The following GRIN2B variants were observed in gnomAD, a reference collection of about 807,000 sequenced individuals.
The protein encoded by GRIN2B is glutamate ionotropic receptor NMDA type subunit 2B, also known as glutamate receptor ionotropic, NMDA 2B.
Under a neutral mutation model 114.5 loss-of-function variants are expected in GRIN2B, and 5 were observed. The ratio of observed to expected loss-of-function variants is 0.04; its 90% CI spans 0.02 to 0.09. The LOEUF (loss-of-function observed/expected upper bound fraction) is 0.09, where lower values mean the gene tolerates loss of function less well. Ranked by LOEUF, GRIN2B falls within the 10% of genes least tolerant of loss-of-function variation. GRIN2B has a pLI of 1.00. For synonymous variants in GRIN2B, 787 were observed against 745.1 expected, an observed-to-expected ratio of 1.06 and a Z score of -0.92; for missense variants, 1,108 against 1,943.5, an observed-to-expected ratio of 0.57 and a Z score of 8.08.
At chr12:13,784,149 G>A (rs1257504378) in intron 3 of GRIN2B, among the ~76,000 whole-genome samples, 1 of 144,974 alleles carries the variant, frequency 6.9e-6, no homozygotes, top group Admixed American at 7.3e-5. Flanking sequence ...GCGTGAACCT[G>A]GGAGGCGGAG....
chr12:13,941,854 G>T (rs1867260811), intron 2 of GRIN2B, among the ~76,000 whole-genome samples: 1 of 152,198 alleles, frequency 6.6e-6, no homozygotes, highest in African/African-American at 2.4e-5. Flanking sequence ...TGAAAATGAG[G>T]CCCAACTGTG....
At chr12:13,828,477 T>C (rs576910094) in intron 3 of GRIN2B, among the ~76,000 whole-genome samples, 2 of 152,258 alleles carry the variant, frequency 1.3e-5, no homozygotes, top group South Asian at 4.1e-4. Flanking sequence ...CCAGCGCATA[T>C]TACCGGAGCT....
chr12:13,723,527 C>A (rs1265769281), intron 4 of GRIN2B, among the ~76,000 whole-genome samples: 1 of 150,188 alleles, frequency 6.7e-6, no homozygotes, highest in Non-Finnish European at 1.5e-5. Context: ...CATTCTCTGC[C>A]ATCAAAGGAA....
chr12:13,555,900 C>A lies in GRIN2B; in HGVS notation c.*6883G>T, dbSNP rs931062886. 1 of 152,186 alleles carries A rather than the reference C, an allele frequency of 6.6e-6. No individual in the cohort carries two copies. Among genetic ancestry groups the A allele is most frequent in the Non-Finnish European group, 1.5e-5 (1 of 68,042 alleles). The allele number at this position is 152,186 out of a possible 1,614,324, so 9.4% of individuals were successfully genotyped here. ...GCTCTTCACGTAGGTTTAAGACTTGCTCTTCTTGGGGATGCAATGAATGAC... is the reference window on the plus strand; with the variant it reads ...GCTCTTCACGTAGGTTTAAGACTTGATCTTCTTGGGGATGCAATGAATGAC... On this transcript the variant is annotated 3_prime_UTR_variant, in exon 14 of 14. Transcript: ENST00000609686.
intron 3 of GRIN2B, among the ~76,000 whole-genome samples, chr12:13,767,520 T>C (rs1863820359): frequency 6.6e-6 from 1 of 152,220 alleles, no homozygotes; most frequent in Non-Finnish European, 1.5e-5. Flanking sequence ...ATGGCGCCCA[T>C]GTGTATTAAC....
intron 2 of GRIN2B, among the ~76,000 whole-genome samples, chr12:13,940,725 A>G (rs1001008931): frequency 1.3e-4 from 20 of 148,880 alleles, no homozygotes; most frequent in African/African-American, 4.7e-4. Flanking sequence ...GCTGGTAGAA[A>G]AAAAGGGAGC....
At chr12:13,607,343 A>ATATATAAAATATATAATATATATT (rs1565473649) in intron 10 of GRIN2B, among the ~76,000 whole-genome samples, 1 of 42,668 alleles carries the variant, frequency 2.3e-5, no homozygotes, top group Non-Finnish European at 4.0e-5. Context: ...TATTATATAT[A>ATATATAAAATATATAATATATATT]ATATATAAAA....
At chr12:13,728,917 C>T (rs756814412) in intron 4 of GRIN2B, among the ~76,000 whole-genome samples, 2 of 152,190 alleles carry the variant, frequency 1.3e-5, no homozygotes, top group Non-Finnish European at 2.9e-5. Flanking sequence ...CTAATATTCA[C>T]TTATTTTCTG....
At chr12:13,734,456 A>G (rs1362531988) in intron 4 of GRIN2B, among the ~76,000 whole-genome samples, 1 of 152,238 alleles carries the variant, frequency 6.6e-6, no homozygotes, top group Non-Finnish European at 1.5e-5. Flanking sequence ...CACATAGCAA[A>G]TGCTGAAAAC....
intron 2 of GRIN2B, among the ~76,000 whole-genome samples, chr12:13,871,448 C>A (rs538931075): frequency 6.6e-6 from 1 of 150,662 alleles, no homozygotes; most frequent in African/African-American, 2.4e-5. Context: ...AACTAAAATT[C>A]CTTTGAACAG....
At position 13,552,499 on chromosome 12, in the gene GRIN2B, G is replaced by A. The variant is rs1420780417; in HGVS notation, c.*10284C>T. 6.6e-6 allele frequency: 1 copy of A among 151,950 alleles called. No homozygotes were observed. Among genetic ancestry groups the A allele is most frequent in the Non-Finnish European group, 1.5e-5 (1 of 67,978 alleles). 9.4% of individuals were successfully genotyped at this position (151,950 alleles called of 1,614,324 possible). A position where few individuals can be genotyped will look rare whatever the true frequency, so the allele number is the denominator to read the frequency against. On this transcript the variant is annotated 3_prime_UTR_variant, in exon 14 of 14. Coordinates refer to ENST00000609686, the MANE Select transcript of GRIN2B (RefSeq NM_000834.5). ...TCATATCCTCCCTTTCCTTTTATGG[G>A]TATTTGTAGGCAAAATAATTGACAT...
intron 3 of GRIN2B, among the ~76,000 whole-genome samples, chr12:13,763,788 A>G (rs188272151): frequency 6.6e-6 from 1 of 152,282 alleles, no homozygotes; most frequent in East Asian, 1.9e-4. Flanking sequence ...CCCTCCCTAG[A>G]CCTTGGCCTG....
At chr12:13,569,473 T>G (rs143028004) in intron 12 of GRIN2B, among the ~76,000 whole-genome samples, 23 of 152,238 alleles carry the variant, frequency 1.5e-4, no homozygotes, top group African/African-American at 5.3e-4. Flanking sequence ...GGGGTATGCT[T>G]CTACAAGATA....
chr12:13,933,929 A>T (rs1465660863), intron 2 of GRIN2B, among the ~76,000 whole-genome samples: 1 of 152,126 alleles, frequency 6.6e-6, no homozygotes, highest in Non-Finnish European at 1.5e-5. Context: ...CCTTCCTCTT[A>T]CCCTTCAATA....
intron 3 of GRIN2B, among the ~76,000 whole-genome samples, chr12:13,764,126 A>T (rs2136639423): frequency 6.6e-6 from 1 of 150,526 alleles, no homozygotes; most frequent in Middle Eastern, 3.4e-3. Context: ...TACTTTTCTA[A>T]CCACACAATT....
chr12:13,907,931 C>T (rs1866570216), intron 2 of GRIN2B, among the ~76,000 whole-genome samples: 1 of 152,082 alleles, frequency 6.6e-6, no homozygotes, highest in African/African-American at 2.4e-5. Context: ...CTTACTACTA[C>T]CCTAAGTGCC....
intron 3 of GRIN2B, among the ~76,000 whole-genome samples, chr12:13,818,818 C>T (rs1417503323): frequency 6.6e-6 from 1 of 152,166 alleles, no homozygotes; most frequent in African/African-American, 2.4e-5. Flanking sequence ...GAGATGTTGA[C>T]GGCCTTTTGT....
intron 10 of GRIN2B, among the ~76,000 whole-genome samples, chr12:13,573,173 C>G (rs904714450): frequency 6.7e-6 from 1 of 149,318 alleles, no homozygotes; most frequent in South Asian, 2.1e-4. Context: ...GCTTGGCGGT[C>G]GGGCACGGTG....
chr12:13,755,474 T>C (rs1285406704), intron 3 of GRIN2B, among the ~76,000 whole-genome samples: 3 of 152,144 alleles, frequency 2.0e-5, no homozygotes, highest in African/African-American at 4.8e-5. Context: ...AAGGGTGAAA[T>C]GGTGCTCACC....
Sources: gnomAD v4.1 joint callset for allele counts (sites outside exome capture counted in the v4.1 genomes callset) on GRCh38, gnomAD v4.1.1 for gene constraint, MANE v1.5 for transcripts, NCBI Gene and HGNC (gene_info 2026-07-23, HGNC 2026-07-21) for gene names.